CACNA2D3: variants seen among roughly 807,000 people sequenced by gnomAD.
CACNA2D3 encodes calcium voltage-gated channel auxiliary subunit alpha2delta 3, also known as voltage-dependent calcium channel subunit alpha-2/delta-3.
In CACNA2D3, 60 loss-of-function variants were observed where a neutral mutation model predicts 160.6. The observed-to-expected ratio is 0.37, with a 90% CI of 0.30 to 0.46. CACNA2D3 has a LOEUF of 0.46. CACNA2D3 is among the 20% of genes least tolerant of loss of function. CACNA2D3 has a pLI of 1.00. For missense variants in CACNA2D3, 1,205 were observed against 1,365.0 expected, an observed-to-expected ratio of 0.88 and a Z score of 1.85; for synonymous variants, 558 against 492.9, an observed-to-expected ratio of 1.13 and a Z score of -1.75.
rs549068769 is a variant in CACNA2D3 at position 54,726,201 on chromosome 3, C to T, written c.1168-26398C>T. Among the ~76,000 whole-genome samples, 7 of 152,182 alleles carry T rather than the reference C, an allele frequency of 4.6e-5. No individual in the cohort carries two copies. The South Asian group carries it at 1.5e-3, about 32-fold the overall frequency. ...ATAAAATACTCAGGAATACAACTTA[C>T]AAGGGATGTGAAGGACCTCTTCAAG... On this transcript the variant is annotated intron_variant, in intron 11 of 37. Transcript: ENST00000474759.
chr3:54,827,694 A>G (rs1416670890), intron 14 of CACNA2D3, among the ~76,000 whole-genome samples: 3 of 152,232 alleles, frequency 2.0e-5, no homozygotes, highest in Admixed American at 6.5e-5. Context: ...GAGAGACTGT[A>G]TAATGTGAAA....
At chr3:54,283,445 A>C (rs772780250) in intron 2 of CACNA2D3, among the ~76,000 whole-genome samples, 1 of 152,338 alleles carries the variant, frequency 6.6e-6, no homozygotes, top group East Asian at 1.9e-4. Flanking sequence ...CAGAGTATTA[A>C]ACATGAGAAC....
chr3:54,710,316 TAATG>T (rs551044295), intron 11 of CACNA2D3, among the ~76,000 whole-genome samples: 94 of 152,338 alleles, frequency 6.2e-4, no homozygotes, highest in African/African-American at 1.9e-3. Context: ...ATAACAATAA[TAATG>T]AATATGAAAT....
chr3:54,384,631 C>T (rs945319683), intron 3 of CACNA2D3, among the ~76,000 whole-genome samples: 2 of 152,174 alleles, frequency 1.3e-5, no homozygotes, highest in African/African-American at 2.4e-5. Context: ...TCTTACTTTT[C>T]TGTTTCTCAT....
intron 27 of CACNA2D3, among the ~76,000 whole-genome samples, chr3:54,933,104 CCTTCCTTCCTT>C (rs1701242992): frequency 7.2e-6 from 1 of 139,514 alleles, no homozygotes; most frequent in Admixed American, 7.1e-5. Flanking sequence ...TTCCTTCCTT[CCTTCCTTCCTT>C]CTTTCTGGAC....
intron 5 of CACNA2D3, among the ~76,000 whole-genome samples, chr3:54,515,889 C>T (rs1701542246): frequency 6.6e-6 from 1 of 152,212 alleles, no homozygotes. Context: ...CCCATTTGTT[C>T]TCTCACTGAC....
At position 54,577,036 on chromosome 3, in the gene CACNA2D3, G is replaced by A. The variant is rs557577707; in HGVS notation, c.889-4767G>A. 1.1e-3 allele frequency among the ~76,000 whole-genome samples: 170 copies of A among 152,032 alleles called. 1 individual carries two copies. Among genetic ancestry groups the A allele is most frequent in the Non-Finnish European group, 1.4e-3 (92 of 68,006 alleles). ...TGGGTGATACGTGAGTGGGACCCGC[G>A]TTTCAAAAACAAACAAACAAAAACA... On this transcript the variant is annotated intron_variant, in intron 8 of 37. Coordinates refer to ENST00000474759, the MANE Select transcript of CACNA2D3 (RefSeq NM_018398.3).
At chr3:54,626,429 CG>C in intron 9 of CACNA2D3, 1 of 1,587,726 alleles carries the variant, frequency 6.3e-7, no homozygotes, top group Non-Finnish European at 8.6e-7. Context: ...ATGGAGAAGC[CG>C]GAAGTGGTGA....
rs541809632 is a variant in CACNA2D3, at chr3:54,212,586, G to A, written c.204+88992G>A. 3.0e-4 allele frequency among the ~76,000 whole-genome samples: 45 copies of A among 152,286 alleles called. 1 individual carries two copies. In the South Asian group the frequency reaches 9.3e-3, roughly 32 times the overall value. On this transcript the variant is annotated intron_variant, in intron 2 of 37. Transcript: ENST00000474759. ...ACTTAAAGTCTCTGTTGATGTTAAT[G>A]CTGGTTGGCTTTTCCTGAATTCCAA...
intron 35 of CACNA2D3, among the ~76,000 whole-genome samples, chr3:55,020,024 T>C (rs551975692): frequency 2.0e-5 from 3 of 152,136 alleles, no homozygotes; most frequent in Admixed American, 1.3e-4. Context: ...TAACGATTTA[T>C]GAGGCTGAAG....
In CACNA2D3 at chr3:54,404,472, G is replaced by A. The variant is rs149413381; in HGVS notation, c.381+17698G>A. On this transcript the variant is annotated intron_variant, in intron 4 of 37. Transcript: ENST00000474759. Reference sequence around the variant, plus strand: ...AACTCTTAACAGTTTAGGTATAGATGGAAGGTTTCTCAGCATAATAAAGTT... The same window carrying A: ...AACTCTTAACAGTTTAGGTATAGATAGAAGGTTTCTCAGCATAATAAAGTT... Among the ~76,000 whole-genome samples the A allele has an allele frequency of 5.4e-3, 826 of 152,220 alleles. 10 individuals are homozygous for A. The highest frequency in any genetic ancestry group is 8.6e-3 in the Non-Finnish European group (588 of 67,990).
At chr3:54,522,158 T>TCC (rs1180828170) in intron 5 of CACNA2D3, among the ~76,000 whole-genome samples, 2 of 152,176 alleles carry the variant, frequency 1.3e-5, no homozygotes, top group African/African-American at 2.4e-5. Flanking sequence ...AATGTTAAGA[T>TCC]TTTAAATCCA....
At chr3:54,400,319 C>T (rs182163947) in intron 4 of CACNA2D3, among the ~76,000 whole-genome samples, 3 of 152,104 alleles carry the variant, frequency 2.0e-5, no homozygotes, top group African/African-American at 4.8e-5. Flanking sequence ...CATCTTGGCT[C>T]CTCCGAGAGT....
intron 16 of CACNA2D3, among the ~76,000 whole-genome samples, chr3:54,840,872 G>A (rs753900583): frequency 6.4e-4 from 97 of 151,338 alleles, no homozygotes; most frequent in Middle Eastern, 6.9e-3. Context: ...ACAGGTGCCC[G>A]CCACCACACC....
At chr3:54,600,417 CT>C (rs1272243969) in intron 9 of CACNA2D3, among the ~76,000 whole-genome samples, 1 of 152,208 alleles carries the variant, frequency 6.6e-6, no homozygotes, top group Admixed American at 6.5e-5. Flanking sequence ...AGCCTTAAGT[CT>C]AGCAGCTTTC....
chr3:54,186,775 A>G (rs1700885789), intron 2 of CACNA2D3, among the ~76,000 whole-genome samples: 1 of 152,154 alleles, frequency 6.6e-6, no homozygotes, highest in African/African-American at 2.4e-5. Flanking sequence ...AAGTGGGTGA[A>G]TTAAATGGGA....
chr3:55,010,068 A>G (rs1703176734), intron 34 of CACNA2D3, among the ~76,000 whole-genome samples: 1 of 152,176 alleles, frequency 6.6e-6, no homozygotes, highest in Admixed American at 6.5e-5. Flanking sequence ...GTGTGTGTGC[A>G]TGTATGTTTA....
At chr3:54,696,024 A>C (rs893294649) in intron 11 of CACNA2D3, among the ~76,000 whole-genome samples, 1 of 151,938 alleles carries the variant, frequency 6.6e-6, no homozygotes, top group Non-Finnish European at 1.5e-5. Context: ...CTGTCTCTTC[A>C]CTTGTCTCCC....
intron 2 of CACNA2D3, among the ~76,000 whole-genome samples, chr3:54,244,266 G>T (rs1702028572): frequency 6.6e-6 from 1 of 152,206 alleles, no homozygotes. Context: ...CGAATCTGTG[G>T]CCTGGGAAGA....
Sources: allele counts gnomAD v4.1 joint callset (sites outside exome capture counted in the v4.1 genomes callset), GRCh38; gene constraint gnomAD v4.1.1; transcripts MANE v1.5; gene names NCBI Gene and HGNC (gene_info 2026-07-23, HGNC 2026-07-21).